SLC60A1: variants seen among roughly 807,000 people sequenced by gnomAD.
The protein encoded by SLC60A1 is major facilitator superfamily domain containing 4.
chr1:205,586,582 G>C, the SLC60A1 span, among the ~76,000 whole-genome samples: 2 of 152,188 alleles, frequency 1.3e-5, no homozygotes, highest in African/African-American at 4.8e-5. Flanking sequence ...GTGCCCAGCT[G>C]CTCAGAGCCC....
the SLC60A1 span, among the ~76,000 whole-genome samples, chr1:205,588,469 CAAAAAAA>C: frequency 1.7e-4 from 14 of 84,764 alleles, no homozygotes; most frequent in African/African-American, 4.4e-4. Flanking sequence ...GACTTCAAAT[CAAAAAAA>C]AAAAAAAAAA....
chr1:205,593,726 A>G, the SLC60A1 span, among the ~76,000 whole-genome samples: 2 of 152,296 alleles, frequency 1.3e-5, no homozygotes, highest in Non-Finnish European at 2.9e-5. Context: ...GCTCACTGCA[A>G]AAACCTCAAA....
At chr1:205,595,036 G>A in the SLC60A1 span, 1 of 152,258 alleles carries the variant, frequency 6.6e-6, no homozygotes, top group Non-Finnish European at 1.5e-5. Context: ...TGGTAAAACA[G>A]GGCTGTGCTT....
the SLC60A1 span, among the ~76,000 whole-genome samples, chr1:205,581,169 C>T: frequency 6.6e-6 from 1 of 152,256 alleles, no homozygotes; most frequent in South Asian, 2.1e-4. The surrounding 1 kb of genome is among the most constrained non-coding windows in gnomAD (Gnocchi z 4.2). Flanking sequence ...CAGTGAAAAT[C>T]AGGGTCAACT....
the SLC60A1 span, among the ~76,000 whole-genome samples, chr1:205,595,543 C>A: frequency 6.6e-6 from 1 of 152,034 alleles, no homozygotes; most frequent in African/African-American, 2.4e-5. Context: ...GACAACATGA[C>A]CCTACCAAGG....
chr1:205,587,203 C>G, the SLC60A1 span, among the ~76,000 whole-genome samples: 4 of 152,348 alleles, frequency 2.6e-5, no homozygotes, highest in Admixed American at 2.0e-4. Context: ...TGAGCCACCT[C>G]TATCTATAAC....
At chr1:205,597,031 A>G in the SLC60A1 span, among the ~76,000 whole-genome samples, 2 of 152,212 alleles carry the variant, frequency 1.3e-5, no homozygotes, top group Non-Finnish European at 2.9e-5. Flanking sequence ...TGTGCACCAC[A>G]CTGCCAGACT....
At chr1:205,578,363 G>T in the SLC60A1 span, among the ~76,000 whole-genome samples, 1 of 152,122 alleles carries the variant, frequency 6.6e-6, no homozygotes, top group African/African-American at 2.4e-5. Flanking sequence ...ATCAGCCCAC[G>T]GTGTGTGTTA....
the SLC60A1 span, chr1:205,580,946 G>A: frequency 6.2e-7 from 1 of 1,608,470 alleles, no homozygotes. The surrounding 1 kb of genome is among the most constrained non-coding windows in gnomAD (Gnocchi z 5.0). Context: ...GGTGGGCCAG[G>A]TAGGGAGCTA....
At chr1:205,590,037 G>A in the SLC60A1 span, among the ~76,000 whole-genome samples, 4 of 152,208 alleles carry the variant, frequency 2.6e-5, no homozygotes, top group Admixed American at 2.6e-4. Context: ...CACTTGATGT[G>A]TGCAGGAGTA....
At chr1:205,588,378 G>A in the SLC60A1 span, among the ~76,000 whole-genome samples, 3,264 of 148,508 alleles carry the variant, frequency 0.022, 51 homozygotes, top group Middle Eastern at 0.068. Context: ...GCTGAGGCAG[G>A]AGAATCACTT....
the SLC60A1 span, among the ~76,000 whole-genome samples, chr1:205,596,062 A>G: frequency 6.6e-6 from 1 of 152,332 alleles, no homozygotes; most frequent in Non-Finnish European, 1.5e-5. Context: ...CACAGAGACA[A>G]GTCTGAACAT....
the SLC60A1 span, among the ~76,000 whole-genome samples, chr1:205,575,724 C>T: frequency 6.6e-6 from 1 of 152,156 alleles, no homozygotes; most frequent in Non-Finnish European, 1.5e-5. Flanking sequence ...CTTCCTCTTC[C>T]CTCTCCCACT....
At chr1:205,574,373 G>A in the SLC60A1 span, among the ~76,000 whole-genome samples, 1 of 152,080 alleles carries the variant, frequency 6.6e-6, no homozygotes, top group Non-Finnish European at 1.5e-5. Flanking sequence ...TGAGCCTGGA[G>A]GTTGAGGCTG....
chr1:205,593,689 AT>A, the SLC60A1 span, among the ~76,000 whole-genome samples: 2 of 151,974 alleles, frequency 1.3e-5, no homozygotes, highest in African/African-American at 4.8e-5. Context: ...TCAAAATGGA[AT>A]TTTTTTTATT....
chr1:205,590,162 T>C, the SLC60A1 span, among the ~76,000 whole-genome samples: 13 of 152,222 alleles, frequency 8.5e-5, no homozygotes, highest in East Asian at 1.5e-3. Context: ...ACACAGCTCA[T>C]GGCTAGAGGG....
chr1:205,573,745 G>A, the SLC60A1 span, among the ~76,000 whole-genome samples: 2 of 152,038 alleles, frequency 1.3e-5, no homozygotes, highest in Admixed American at 6.6e-5. Flanking sequence ...TGCCCAAGCT[G>A]CAGTGAGGTG....
the SLC60A1 span, among the ~76,000 whole-genome samples, chr1:205,593,418 C>CCG: frequency 1.3e-4 from 8 of 60,580 alleles, no homozygotes; most frequent in South Asian, 9.0e-4. Flanking sequence ...TTGCAGTGAG[C>CCG]ACTCCAGCCT....
At chr1:205,580,574 G>C in the SLC60A1 span, 12 of 1,517,100 alleles carry the variant, frequency 7.9e-6, no homozygotes, top group Non-Finnish European at 1.1e-5. This position sits in a 1 kb window ranked among gnomAD's most constrained non-coding sequence, Gnocchi z 5.0. Flanking sequence ...GCTCAGTGTG[G>C]GTCCTCTGGA....
Sources: allele counts gnomAD v4.1 joint callset (sites outside exome capture counted in the v4.1 genomes callset), GRCh38; gene constraint gnomAD v4.1.1; non-coding constraint Gnocchi (gnomAD v3.1); transcripts MANE v1.5; gene names NCBI Gene and HGNC (gene_info 2026-07-23, HGNC 2026-07-21).